NUMB: variants seen among roughly 807,000 people sequenced by gnomAD.
The protein encoded by NUMB is NUMB endocytic adaptor protein.
NUMB carries 29 observed loss-of-function variants against 59.7 expected under a neutral mutation model. That is an observed-to-expected ratio of 0.49 (90% confidence interval 0.36 to 0.66). The LOEUF (loss-of-function observed/expected upper bound fraction) is 0.66. Ranked by LOEUF, NUMB falls within the 30% of genes least tolerant of loss-of-function variation. The pLI is 0.00. For synonymous variants in NUMB, 288 were observed against 288.2 expected (o/e 1.00, Z 0.01); for missense variants, 723 against 822.0 (o/e 0.88, Z 1.47).
In NUMB at chr14:73,301,583, G is replaced by A. The variant is rs954263129; in HGVS notation, c.235-4298C>T. ...CTCCCCAGTAGCTGGGACTACAGGC[G>A]TGCACTACCATACCCAGCTAATTTT... On this transcript the variant is annotated intron_variant, in intron 6 of 12. Coordinates refer to ENST00000555238, the MANE Select transcript of NUMB (RefSeq NM_001005743.2). 2.0e-5 allele frequency among the ~76,000 whole-genome samples: 3 copies of A among 152,008 alleles called. 1 individual carries two copies. The highest frequency in any genetic ancestry group is 4.1e-4 in the South Asian group (2 of 4,832).
At chr14:73,379,520 T>C (rs1895128160) in intron 2 of NUMB, among the ~76,000 whole-genome samples, 2 of 151,964 alleles carry the variant, frequency 1.3e-5, no homozygotes, top group African/African-American at 2.4e-5. Context: ...AAAAATCAAG[T>C]AGGATTGGAG....
intron 4 of NUMB, among the ~76,000 whole-genome samples, chr14:73,353,881 AAG>A (rs901815850): frequency 1.3e-5 from 2 of 152,088 alleles, no homozygotes; most frequent in African/African-American, 4.8e-5. Context: ...CAGAAAAAAA[AAG>A]TGTTCATTTT....
Position 73,355,518 on chromosome 14 carries a change from AT to A in NUMB, c.126+107del, listed in dbSNP as rs568355821. On this transcript the variant is annotated intron_variant, in intron 4 of 12. Coordinates refer to ENST00000555238, the MANE Select transcript of NUMB (RefSeq NM_001005743.2). ...TATCATTGAAGCAGAATGTGAAGGGATTTGTTTTTTGGAAGACTCTCTTAAT... is the reference window on the plus strand; with the variant it reads ...TATCATTGAAGCAGAATGTGAAGGGATTGTTTTTTGGAAGACTCTCTTAAT... The A allele has an allele frequency of 5.1e-3, 4,599 of 909,736 alleles. 36 individuals carry two copies. Among genetic ancestry groups the A allele is most frequent in the Middle Eastern group, 0.03 (113 of 3,752 alleles). The allele number at this position is 909,736 out of a possible 1,614,324, so 56.4% of individuals were successfully genotyped here. A position where few individuals can be genotyped will look rare whatever the true frequency, so the allele number is the denominator to read the frequency against.
intron 1 of NUMB, among the ~76,000 whole-genome samples, chr14:73,412,535 G>A (rs984597241): frequency 2.0e-5 from 3 of 151,444 alleles, no homozygotes; most frequent in Non-Finnish European, 4.4e-5. Flanking sequence ...GCTGAGGCAG[G>A]AGAATGGCTT....
At position 73,443,284 on chromosome 14, in the gene NUMB, G is replaced by A. The variant is rs147074996; in HGVS notation, c.-233+15209C>T. 1.1e-4 allele frequency among the ~76,000 whole-genome samples: 16 copies of A among 150,862 alleles called. No homozygotes were observed. In the East Asian group the frequency reaches 3.0e-3, roughly 28 times the overall value. ...AACTATACTAGCCTTTCTGAAAATG[G>A]TATGTTTGGGTAAGAAAAAAGTAGA... On this transcript the variant is annotated intron_variant, in intron 1 of 12. Coordinates refer to ENST00000555238, the MANE Select transcript of NUMB (RefSeq NM_001005743.2).
chr14:73,299,903 T>C (rs1890034928), intron 6 of NUMB, among the ~76,000 whole-genome samples: 1 of 152,176 alleles, frequency 6.6e-6, no homozygotes, highest in African/African-American at 2.4e-5. Context: ...AATTCAGCGC[T>C]ACTATTCATA....
At chr14:73,342,840 A>G (rs761583007) in intron 4 of NUMB, among the ~76,000 whole-genome samples, 39 of 152,138 alleles carry the variant, frequency 2.6e-4, no homozygotes, top group South Asian at 2.1e-4. Flanking sequence ...GTATAGCTTA[A>G]AAGTGTATGC....
chr14:73,383,936 G>A (rs1009983450), intron 2 of NUMB, among the ~76,000 whole-genome samples: 1 of 152,020 alleles, frequency 6.6e-6, no homozygotes. Flanking sequence ...GGAACCGCTT[G>A]AACTCAGGAG....
intron 4 of NUMB, among the ~76,000 whole-genome samples, chr14:73,352,847 T>C (rs1893491371): frequency 6.7e-6 from 1 of 150,214 alleles, no homozygotes. Context: ...TGCCCTGTAA[T>C]AGTATATTGT....
intron 2 of NUMB, among the ~76,000 whole-genome samples, chr14:73,372,415 A>G (rs1236323043): frequency 6.9e-6 from 1 of 145,210 alleles, no homozygotes; most frequent in African/African-American, 2.5e-5. Flanking sequence ...ATACACACAT[A>G]TATGTGCCTA....
At chr14:73,320,415 T>C (rs1417565668) in intron 5 of NUMB, among the ~76,000 whole-genome samples, 2 of 152,190 alleles carry the variant, frequency 1.3e-5, no homozygotes, top group Non-Finnish European at 2.9e-5. Flanking sequence ...TTTATTTTTA[T>C]AGAGACAGGG....
chr14:73,276,511 T>C lies in NUMB; in HGVS notation c.*67A>G. On this transcript the variant is annotated 3_prime_UTR_variant, in exon 13 of 13. Coordinates refer to ENST00000555238, the MANE Select transcript of NUMB (RefSeq NM_001005743.2). ...ACTAATCAGGAGACAAAGTCTGTTT[T>C]GCTCCTTTGACCGCTACCCCCTGCT... is the stretch of plus-strand genomic sequence containing the variant. 8.0e-7 allele frequency: 1 copy of C among 1,257,366 alleles called. No homozygotes were observed. The highest frequency in any genetic ancestry group is 1.1e-6 in the Non-Finnish European group (1 of 889,298). 77.9% of individuals were successfully genotyped at this position (1,257,366 alleles called of 1,614,324 possible). A position where few individuals can be genotyped will look rare whatever the true frequency, so the allele number is the denominator to read the frequency against.
intron 2 of NUMB, among the ~76,000 whole-genome samples, chr14:73,389,001 C>A (rs900013305): frequency 6.6e-6 from 1 of 150,488 alleles, no homozygotes; most frequent in Admixed American, 6.7e-5. Flanking sequence ...AGAGAGGCTG[C>A]GGCAGAAGAA....
At chr14:73,278,558 G>C (rs1594852772) in intron 12 of NUMB, among the ~76,000 whole-genome samples, 1 of 151,418 alleles carries the variant, frequency 6.6e-6, no homozygotes, top group Non-Finnish European at 1.5e-5. Context: ...ATTAATAGAT[G>C]TTTTTTATAC....
intron 2 of NUMB, among the ~76,000 whole-genome samples, chr14:73,401,278 T>C (rs1195633172): frequency 6.6e-6 from 1 of 152,150 alleles, no homozygotes; most frequent in African/African-American, 2.4e-5. Flanking sequence ...TGGTAAGGAA[T>C]GTTGACAGTA....
chr14:73,338,810 T>C (rs1164994138), intron 4 of NUMB, among the ~76,000 whole-genome samples: 1 of 152,228 alleles, frequency 6.6e-6, no homozygotes, highest in Non-Finnish European at 1.5e-5. Flanking sequence ...GACATCTGAA[T>C]GTCCTACTGG....
chr14:73,293,982 T>C (rs949767741), intron 7 of NUMB, among the ~76,000 whole-genome samples: 6 of 152,236 alleles, frequency 3.9e-5, no homozygotes, highest in African/African-American at 1.4e-4. Context: ...TGAGTCATCT[T>C]GAAGTTAGGT....
intron 1 of NUMB, among the ~76,000 whole-genome samples, chr14:73,441,700 AC>A (rs2140188361): frequency 6.6e-6 from 1 of 152,022 alleles, no homozygotes; most frequent in African/African-American, 2.4e-5. Flanking sequence ...ACATAGCAAG[AC>A]CCCATCTCTA....
intron 11 of NUMB, among the ~76,000 whole-genome samples, chr14:73,281,043 G>A (rs960584172): frequency 3.3e-5 from 5 of 151,748 alleles, no homozygotes; most frequent in African/African-American, 4.8e-5. Context: ...TTGCTTTTTT[G>A]GTGGCAAAAA....
Sources: allele counts gnomAD v4.1 joint callset (sites outside exome capture counted in the v4.1 genomes callset), GRCh38; gene constraint gnomAD v4.1.1; transcripts MANE v1.5; gene names NCBI Gene and HGNC (gene_info 2026-07-23, HGNC 2026-07-21).